Variants in ESRRG observed in about 807,000 individuals in gnomAD.
ESRRG encodes the protein estrogen related receptor gamma, also known as estrogen-related receptor gamma.
ESRRG carries 13 observed loss-of-function variants against 44.0 expected under a neutral mutation model. The observed-to-expected ratio is 0.30, with a 90% CI of 0.19 to 0.47. ESRRG has a LOEUF of 0.47. Ranked by LOEUF, ESRRG falls within the 20% of genes least tolerant of loss-of-function variation. The probability of loss-of-function intolerance (pLI) is 1.00; values close to 1 mark genes in which losing one functional copy is unlikely to be tolerated. For missense variants in ESRRG, 395 were observed against 580.6 expected, an observed-to-expected ratio of 0.68 and a Z score of 3.29; for synonymous variants, 215 against 214.6, an observed-to-expected ratio of 1.00 and a Z score of -0.02.
At chr1:217,136,770 G>GC (rs1424112295) in intron 1 of ESRRG, among the ~76,000 whole-genome samples, 3 of 152,066 alleles carry the variant, frequency 2.0e-5, no homozygotes, top group African/African-American at 7.2e-5. Context: ...TAAAAATAAA[G>GC]CCCCCCGAAT....
intron 5 of ESRRG, among the ~76,000 whole-genome samples, chr1:216,544,502 G>A (rs1213136382): frequency 6.6e-6 from 1 of 151,952 alleles, no homozygotes; most frequent in African/African-American, 2.4e-5. Context: ...ACATTACACA[G>A]CTTTCAGTGC....
At chr1:217,041,301 C>G (rs991701855) in intron 1 of ESRRG, among the ~76,000 whole-genome samples, 19 of 152,154 alleles carry the variant, frequency 1.2e-4, no homozygotes, top group Admixed American at 1.1e-3. Flanking sequence ...TTTTCCTCAT[C>G]TAATCCCCTA....
intron 1 of ESRRG, among the ~76,000 whole-genome samples, chr1:217,098,817 A>G (rs1441309985): frequency 2.0e-5 from 3 of 152,170 alleles, no homozygotes; most frequent in Non-Finnish European, 4.4e-5. Flanking sequence ...TCTCAGGACT[A>G]ACATCCCATG....
At chr1:216,835,813 C>T (rs2095555988) in intron 2 of ESRRG, among the ~76,000 whole-genome samples, 1 of 152,116 alleles carries the variant, frequency 6.6e-6, no homozygotes, top group Admixed American at 6.5e-5. Flanking sequence ...AAATACACAG[C>T]CGTAATATTT....
At chr1:216,920,417 T>C (rs1031986139) in intron 2 of ESRRG, among the ~76,000 whole-genome samples, 3 of 123,770 alleles carry the variant, frequency 2.4e-5, no homozygotes, top group African/African-American at 6.4e-5. Flanking sequence ...TGTGTGTGTG[T>C]GTGCGCATAT....
intron 1 of ESRRG, among the ~76,000 whole-genome samples, chr1:217,111,957 A>G (rs911103902): frequency 1.3e-5 from 2 of 151,846 alleles, no homozygotes; most frequent in African/African-American, 4.9e-5. Flanking sequence ...CTCTCAGGAC[A>G]TTCCCTCTTA....
chr1:216,586,067 A>G (rs1284443610), intron 3 of ESRRG, among the ~76,000 whole-genome samples: 1 of 148,458 alleles, frequency 6.7e-6, no homozygotes. Flanking sequence ...TAATAAAGTT[A>G]TTTTTTAAAA....
chr1:216,584,883 T>A (rs2063475782), intron 3 of ESRRG, among the ~76,000 whole-genome samples: 2 of 152,240 alleles, frequency 1.3e-5, no homozygotes, highest in Admixed American at 6.5e-5. Context: ...TATCAATGTG[T>A]AACAGAGTAG....
At chr1:217,133,663 C>CTTTCTTTT (rs1258324801) in intron 1 of ESRRG, among the ~76,000 whole-genome samples, 1 of 148,764 alleles carries the variant, frequency 6.7e-6, no homozygotes, top group African/African-American at 2.5e-5. Context: ...TTCTTTCTTT[C>CTTTCTTTT]TTTCTTTCTT....
At chr1:216,610,139 A>G (rs986279435) in intron 3 of ESRRG, among the ~76,000 whole-genome samples, 2 of 152,176 alleles carry the variant, frequency 1.3e-5, no homozygotes, top group African/African-American at 2.4e-5. Flanking sequence ...ATGAGTTATT[A>G]AAATAGGCTT....
chr1:216,702,235 T>A (rs760552128), intron 1 of ESRRG, among the ~76,000 whole-genome samples: 11 of 152,114 alleles, frequency 7.2e-5, no homozygotes, highest in Non-Finnish European at 1.2e-4. Flanking sequence ...AAAACGCTGA[T>A]CAAATAAAAA....
intron 4 of ESRRG, among the ~76,000 whole-genome samples, chr1:216,567,033 C>T (rs2059799201): frequency 6.6e-6 from 1 of 152,174 alleles, no homozygotes; most frequent in Admixed American, 6.5e-5. Context: ...AAGTGGACAT[C>T]TTCTCTTCCC....
intron 2 of ESRRG, among the ~76,000 whole-genome samples, chr1:216,879,751 G>T (rs1216000077): frequency 1.3e-5 from 2 of 152,160 alleles, no homozygotes; most frequent in African/African-American, 4.8e-5. Flanking sequence ...TAGAGTAGGA[G>T]AATTTAGCAG....
chr1:216,682,389 G>A (rs886946137), intron 1 of ESRRG, among the ~76,000 whole-genome samples: 2 of 152,156 alleles, frequency 1.3e-5, no homozygotes, highest in Admixed American at 1.3e-4. Context: ...GGCCTGGAAA[G>A]GTAATCATCA....
intron 1 of ESRRG, among the ~76,000 whole-genome samples, chr1:217,107,196 GA>G (rs1289429743): frequency 1.3e-5 from 2 of 152,192 alleles, no homozygotes; most frequent in Admixed American, 1.3e-4. Flanking sequence ...TGTTACATCA[GA>G]AAAATTAAAG....
chr1:217,094,227 C>G (rs574327314), upstream of ESRRG, among the ~76,000 whole-genome samples: 1 of 152,162 alleles, frequency 6.6e-6, no homozygotes, highest in Non-Finnish European at 1.5e-5. Context: ...CAGTAGCCTA[C>G]CATATCAGCC....
chr1:216,555,583 TTCTCTG>T (rs1428193703), intron 5 of ESRRG, among the ~76,000 whole-genome samples: 1 of 151,994 alleles, frequency 6.6e-6, no homozygotes, highest in East Asian at 1.9e-4. Context: ...AAGAAATCAC[TTCTCTG>T]CCTGTTTAAA....
chr1:216,808,276 A>C (rs926183994), intron 2 of ESRRG, among the ~76,000 whole-genome samples: 8 of 152,176 alleles, frequency 5.3e-5, no homozygotes, highest in Non-Finnish European at 8.8e-5. Flanking sequence ...CTCATAGATA[A>C]CATGAGGTGC....
At chr1:216,816,799 T>C (rs908182488) in intron 2 of ESRRG, among the ~76,000 whole-genome samples, 2 of 152,142 alleles carry the variant, frequency 1.3e-5, no homozygotes, top group Non-Finnish European at 2.9e-5. Context: ...AAAGAAGGCT[T>C]TCAAAGAAGG....
Sources: gnomAD v4.1 joint callset for allele counts (sites outside exome capture counted in the v4.1 genomes callset) on GRCh38, gnomAD v4.1.1 for gene constraint, MANE v1.5 for transcripts, NCBI Gene and HGNC (gene_info 2026-07-23, HGNC 2026-07-21) for gene names.